Variants in TRPM4 observed in about 807,000 individuals in gnomAD.
The protein encoded by TRPM4 is transient receptor potential cation channel subfamily M member 4, also known as calcium-activated non-selective cation channel 1.
TRPM4 carries 124 observed loss-of-function variants against 135.6 expected under a neutral mutation model. The ratio of observed to expected loss-of-function variants is 0.91; its 90% CI spans 0.79 to 1.06. TRPM4 has a LOEUF of 1.06. Among genes scored for constraint, TRPM4 ranks in the 50% least tolerant of loss-of-function variants. The pLI, the probability that TRPM4 is intolerant of heterozygous loss-of-function variation, is 0.00. For synonymous variants in TRPM4, 745 were observed against 705.6 expected (o/e 1.06, Z -0.88); for missense variants, 1,658 against 1,671.4 (o/e 0.99, Z 0.14).
At position 49,168,751 on chromosome 19, in the gene TRPM4, C is replaced by T. The variant is rs1431936125; in HGVS notation, c.796+15C>T. 9 of 1,577,282 alleles carry T rather than the reference C, an allele frequency of 5.7e-6. No individual in the cohort carries two copies. Among genetic ancestry groups the T allele is most frequent in the Non-Finnish European group, 7.7e-6 (9 of 1,162,498 alleles). ...GGGCGTGGGAGGTGAGTGGTCGAACCCATGACCCACAACCCACGACCCACA... is the reference window on the plus strand; with the variant it reads ...GGGCGTGGGAGGTGAGTGGTCGAACTCATGACCCACAACCCACGACCCACA... On this transcript the variant is annotated intron_variant, in intron 6 of 24. Transcript: ENST00000252826.
intron 19 of TRPM4, among the ~76,000 whole-genome samples, chr19:49,201,071 C>A (rs906890815): frequency 6.7e-6 from 1 of 148,974 alleles, no homozygotes; most frequent in Admixed American, 6.8e-5. Flanking sequence ...AGAAATAGTA[C>A]TTGAACATAA....
rs777589593 is a variant in TRPM4 at position 49,211,504 on chromosome 19, G to A, written c.*6G>A. 7.3e-5 allele frequency: 118 copies of A among 1,613,898 alleles called. No individual in the cohort carries two copies. The highest frequency in any genetic ancestry group is 8.9e-5 in the Non-Finnish European group (105 of 1,180,042). Reference sequence around the variant, plus strand: ...TCTCTCTTCCCCCAGACTGAGCCCTGCTGGCGGACTTCAAGGAGAAGCCCC... The same window carrying A: ...TCTCTCTTCCCCCAGACTGAGCCCTACTGGCGGACTTCAAGGAGAAGCCCC... On this transcript the variant is annotated 3_prime_UTR_variant, in exon 25 of 25. Transcript: ENST00000252826. The surrounding 1 kb of genome is among the most constrained non-coding windows in gnomAD (Gnocchi z 4.8).
chr19:49,158,448 C>T (rs1316033386), intron 2 of TRPM4, 189 bp downstream of exon 2: 2 of 633,630 alleles, frequency 3.2e-6, no homozygotes, highest in Non-Finnish European at 5.7e-6. Context: ...TCCCCATTCG[C>T]CATTCTCCCG....
At position 49,166,190 on chromosome 19, in the gene TRPM4, CG is replaced by C; in HGVS notation, c.247del (p.Ala83ProfsTer195). 4.4e-6 allele frequency: 7 copies of C among 1,607,484 alleles called. No individual in the cohort carries two copies. Among genetic ancestry groups the C allele is most frequent in the South Asian group, 2.2e-5 (2 of 89,878 alleles). On this transcript the variant is annotated frameshift_variant, in exon 3 of 25. Transcript: ENST00000252826. LOFTEE classifies it high-confidence loss of function. ...GATGCCTACGGAGAGCTGGACTTCACGGGGGCCGGCCGCAAGCACAGCAATG... is the reference window on the plus strand; with the variant it reads ...GATGCCTACGGAGAGCTGGACTTCACGGGGCCGGCCGCAAGCACAGCAATG... ...PTDAYGELDF[T>X]GAGRKHSNFL...
Position 49,202,062 on chromosome 19 carries a change from T to C in TRPM4, c.3052T>C (p.Trp1018Arg). Residue 1018 changes from tryptophan to arginine, a missense_variant, in exon 20 of 25, where the codon TGG becomes CGG. By Grantham distance (101) the Trp-to-Arg change is moderately radical. Coordinates refer to ENST00000252826, the MANE Select transcript of TRPM4 (RefSeq NM_017636.4). Reference protein sequence around the residue: ...AGTCVSQYANWLVVLLLVIFL... With the variant: ...AGTCVSQYANRLVVLLLVIFL... ...CACCTGCGTCTCCCAGTATGCCAACTGGCTGGTGGTGCTGCTCCTCGTCAT... is the reference window on the plus strand; with the variant it reads ...CACCTGCGTCTCCCAGTATGCCAACCGGCTGGTGGTGCTGCTCCTCGTCAT... 6.2e-7 allele frequency: 1 copy of C among 1,614,124 alleles called. No homozygotes were observed. Among genetic ancestry groups the C allele is most frequent in the Non-Finnish European group, 8.5e-7 (1 of 1,180,044 alleles).
intron 2 of TRPM4, among the ~76,000 whole-genome samples, chr19:49,164,297 T>TCCCTCCCTC (rs1568455297): frequency 1.7e-5 from 1 of 58,984 alleles, no homozygotes; most frequent in Non-Finnish European, 3.8e-5. Context: ...CTCCCTCCCT[T>TCCCTCCCTC]CCTTCCTTCC....
chr19:49,164,866 G>A (rs1256363184), intron 2 of TRPM4, among the ~76,000 whole-genome samples: 1 of 151,856 alleles, frequency 6.6e-6, no homozygotes, highest in Non-Finnish European at 1.5e-5. Flanking sequence ...AGCCTCCTAA[G>A]CACATGCTGC....
chr19:49,176,806 G>A (rs1476073546), intron 9 of TRPM4, among the ~76,000 whole-genome samples: 2 of 152,126 alleles, frequency 1.3e-5, no homozygotes, highest in South Asian at 2.1e-4. Flanking sequence ...AGCCAAGATC[G>A]TGCCACTGCA....
Position 49,171,397 on chromosome 19 carries a change from T to C in TRPM4, c.837T>C (p.Asp279=), listed in dbSNP as rs373391017. ...IDIPVLLLLI[D]GDEKMLTRIE... ...TCCCTGTCCTGCTCCTCCTGATTGA[T>C]GGTGATGAGAAGATGTTGACGGTAT... The change falls in exon 7 of 25, where the codon GAT becomes GAC. Residue 279 remains aspartate, a synonymous_variant. Coordinates refer to ENST00000252826, the MANE Select transcript of TRPM4 (RefSeq NM_017636.4). This position sits in a 1 kb window ranked among gnomAD's most constrained non-coding sequence, Gnocchi z 4.7. The C allele has an allele frequency of 2.3e-5, 37 of 1,613,632 alleles. No individual in the cohort carries two copies. The highest frequency in any genetic ancestry group is 3.3e-4 in the Middle Eastern group (2 of 6,084).
intron 6 of TRPM4, among the ~76,000 whole-genome samples, chr19:49,169,829 A>C (rs935198204): frequency 6.6e-6 from 1 of 152,176 alleles, no homozygotes; most frequent in African/African-American, 2.4e-5. Context: ...AAGTGCTGGG[A>C]TTACGGTCGT....
At chr19:49,178,430 G>A (rs1376815769) in intron 9 of TRPM4, among the ~76,000 whole-genome samples, 2 of 152,108 alleles carry the variant, frequency 1.3e-5, no homozygotes, top group Non-Finnish European at 2.9e-5. Context: ...GCTATAGCTG[G>A]GGCCAGGAGG....
At chr19:49,199,502 G>A (rs1165106857) in intron 17 of TRPM4, among the ~76,000 whole-genome samples, 1 of 151,902 alleles carries the variant, frequency 6.6e-6, no homozygotes, top group African/African-American at 2.4e-5. Context: ...CCCGTGATCC[G>A]CCCGCCTCGG....
intron 3 of TRPM4, among the ~76,000 whole-genome samples, chr19:49,167,415 T>C (rs1418450760): frequency 2.4e-5 from 2 of 83,152 alleles, no homozygotes; most frequent in East Asian, 7.8e-4. Context: ...TACTCTGGGT[T>C]TCTGTCCCCA....
chr19:49,195,988 A>G (rs1908006415), intron 16 of TRPM4, among the ~76,000 whole-genome samples: 1 of 151,332 alleles, frequency 6.6e-6, no homozygotes, highest in Admixed American at 6.6e-5. Context: ...CCTCCCGAGT[A>G]TGTGGGACTA....
chr19:49,194,243 C>CCTCCTT (rs1346866916), intron 16 of TRPM4, among the ~76,000 whole-genome samples: 2 of 151,982 alleles, frequency 1.3e-5, no homozygotes, highest in African/African-American at 4.8e-5. Flanking sequence ...TTCTCTTCAT[C>CCTCCTT]CTCCTTCTCC....
chr19:49,158,127 C>T, intron 1 of TRPM4, 65 bp from the exon 2 acceptor site: 1 of 1,514,736 alleles, frequency 6.6e-7, no homozygotes. Flanking sequence ...GGCTCTGTGT[C>T]CCATAGGACA....
rs750413036 is a variant in TRPM4, at chr19:49,196,605, G to T, written c.2376G>T (p.Leu792=). 9.6e-6 allele frequency: 15 copies of T among 1,556,462 alleles called. No homozygotes were observed. The highest frequency in any genetic ancestry group is 1.3e-5 in the Non-Finnish European group (15 of 1,153,290). The change falls in exon 17 of 25, where the codon CTG becomes CTT. Residue 792 remains leucine, a synonymous_variant. Coordinates refer to ENST00000252826, the MANE Select transcript of TRPM4 (RefSeq NM_017636.4). ...TGGGCAACGTGGTCAGCTACCTGCT[G>T]TTCCTGCTGCTTTTCTCGCGGGTGC... is the stretch of plus-strand genomic sequence containing the variant. ...IFMGNVVSYL[L]FLLLFSRVLL...
Position 49,196,491 on chromosome 19 carries a change from C to T in TRPM4, c.2262C>T (p.Gly754=). Residue 754 remains glycine, a synonymous_variant, in exon 17 of 25, where the codon GGC becomes GGT. Coordinates refer to ENST00000252826, the MANE Select transcript of TRPM4 (RefSeq NM_017636.4). ...CGCTGGGGGTCCCGCGCCAGTCGGG[C>T]CGTCCGGGTTGCTGCGGGGGCCGCT... is the stretch of plus-strand genomic sequence containing the variant. The part of the protein sequence containing the change: ...KTPLGVPRQS[G]RPGCCGGRCG... 1.3e-6 allele frequency: 2 copies of T among 1,555,538 alleles called. No individual in the cohort carries two copies. Among genetic ancestry groups the T allele is most frequent in the South Asian group, 2.4e-5 (2 of 84,866 alleles).
intron 20 of TRPM4, among the ~76,000 whole-genome samples, chr19:49,207,292 C>G (rs1969185006): frequency 6.6e-6 from 1 of 151,962 alleles, no homozygotes; most frequent in Admixed American, 6.6e-5. Context: ...TTCAGAAGTA[C>G]CTTTTCTCAT....
Sources: allele counts gnomAD v4.1 joint callset (sites outside exome capture counted in the v4.1 genomes callset), GRCh38; gene constraint gnomAD v4.1.1; non-coding constraint Gnocchi (gnomAD v3.1); transcripts MANE v1.5; gene names NCBI Gene and HGNC (gene_info 2026-07-23, HGNC 2026-07-21).